Variants in RANBP2 observed in about 807,000 individuals in gnomAD.
RANBP2 encodes the protein RAN binding protein 2.
A neutral mutation model predicts 303.6 loss-of-function variants in RANBP2; 57 were observed. That is an observed-to-expected ratio of 0.19 (90% CI 0.15 to 0.23). RANBP2 has a LOEUF of 0.23. RANBP2 is among the 10% of genes least tolerant of loss of function. RANBP2 has a pLI of 1.00. For synonymous variants in RANBP2, 1,167 were observed against 1,301.5 expected, an observed-to-expected ratio of 0.90 and a Z score of 2.23; for missense variants, 3,138 against 3,780.8, an observed-to-expected ratio of 0.83 and a Z score of 4.46.
At chr2:109,232,425 C>G in the RANBP2 span, among the ~76,000 whole-genome samples, 4 of 152,194 alleles carry the variant, frequency 2.6e-5, no homozygotes, top group Non-Finnish European at 4.4e-5. Context: ...CTTAATTTCT[C>G]TGAGCCCTGG....
chr2:109,324,650 ATCCTTTCTCCTGGAAC>A, the RANBP2 span, among the ~76,000 whole-genome samples: 3 of 152,218 alleles, frequency 2.0e-5, no homozygotes, highest in Non-Finnish European at 4.4e-5. Flanking sequence ...GGCGAAGTTG[ATCCTTTCTCCTGGAAC>A]TCCTTTCTCC....
At chr2:109,371,698 C>G in the RANBP2 span, 1 of 1,609,434 alleles carries the variant, frequency 6.2e-7, no homozygotes, top group Non-Finnish European at 8.5e-7. Context: ...CCGTGCCGCC[C>G]TCCCACACTT....
At chr2:109,631,404 A>G in the RANBP2 span, among the ~76,000 whole-genome samples, 1 of 152,242 alleles carries the variant, frequency 6.6e-6, no homozygotes, top group South Asian at 2.1e-4. Flanking sequence ...TCTTTTTGGA[A>G]AGTGAGTTAA....
chr2:108,857,877 A>G, the RANBP2 span, among the ~76,000 whole-genome samples: 2 of 152,264 alleles, frequency 1.3e-5, no homozygotes, highest in African/African-American at 2.4e-5. Flanking sequence ...ATCTTTCTGA[A>G]TATGACAGAG....
chr2:109,110,684 A>T, the RANBP2 span, among the ~76,000 whole-genome samples: 1 of 152,164 alleles, frequency 6.6e-6, no homozygotes, highest in East Asian at 1.9e-4. Context: ...TCTGTCTGGG[A>T]CAGAGGCGGC....
chr2:109,716,844 C>T, the RANBP2 span, among the ~76,000 whole-genome samples: 1 of 152,232 alleles, frequency 6.6e-6, no homozygotes, highest in Non-Finnish European at 1.5e-5. Context: ...CCACCGCGCC[C>T]AGCCTAATCA....
chr2:109,168,443 T>C, the RANBP2 span, among the ~76,000 whole-genome samples: 1 of 152,168 alleles, frequency 6.6e-6, no homozygotes, highest in Non-Finnish European at 1.5e-5. Flanking sequence ...GCTTGCGAGA[T>C]GGGCTCTTGG....
chr2:109,410,644 T>TGGG, the RANBP2 span, among the ~76,000 whole-genome samples: 1 of 152,342 alleles, frequency 6.6e-6, no homozygotes, highest in South Asian at 2.1e-4. Context: ...CTCAGAGAAC[T>TGGG]GGGCCACTGC....
the RANBP2 span, among the ~76,000 whole-genome samples, chr2:109,354,343 T>C: frequency 6.6e-6 from 1 of 152,178 alleles, no homozygotes; most frequent in African/African-American, 2.4e-5. Flanking sequence ...TTCTCTGGGC[T>C]CCAGCTTGTT....
chr2:109,354,686 C>G, the RANBP2 span, among the ~76,000 whole-genome samples: 1 of 152,246 alleles, frequency 6.6e-6, no homozygotes, highest in Non-Finnish European at 1.5e-5. Context: ...CCGCCAGCCA[C>G]CTCCAGTGGC....
the RANBP2 span, among the ~76,000 whole-genome samples, chr2:109,283,799 GT>G: frequency 2.0e-5 from 3 of 152,208 alleles, no homozygotes; most frequent in African/African-American, 7.2e-5. Flanking sequence ...GGCTCCTTGT[GT>G]TTGTTCTCTC....
intron 1 of RANBP2, among the ~76,000 whole-genome samples, chr2:108,725,537 A>G (rs1053256593): frequency 6.6e-6 from 1 of 152,188 alleles, no homozygotes; most frequent in Non-Finnish European, 1.5e-5. Context: ...GGAGGAAGTC[A>G]GATCACAAGG....
the RANBP2 span, among the ~76,000 whole-genome samples, chr2:109,496,882 G>C: frequency 6.6e-6 from 1 of 152,178 alleles, no homozygotes; most frequent in African/African-American, 2.4e-5. Context: ...AATCACAAAG[G>C]GTCCTTATGA....
chr2:109,207,221 T>C, the RANBP2 span, among the ~76,000 whole-genome samples: 1 of 152,258 alleles, frequency 6.6e-6, no homozygotes, highest in Non-Finnish European at 1.5e-5. Context: ...TTTACAGCAG[T>C]TCATTTTTAT....
At chr2:108,940,660 A>G in the RANBP2 span, among the ~76,000 whole-genome samples, 2 of 152,240 alleles carry the variant, frequency 1.3e-5, no homozygotes, top group African/African-American at 4.8e-5. Context: ...ACAAAGAAGC[A>G]GCTTCTGAGC....
chr2:109,295,727 C>G, the RANBP2 span, among the ~76,000 whole-genome samples: 2 of 152,074 alleles, frequency 1.3e-5, no homozygotes, highest in Admixed American at 1.3e-4. Context: ...GGGAGGTTTA[C>G]CTGGGGAGGT....
the RANBP2 span, among the ~76,000 whole-genome samples, chr2:108,852,670 A>G: frequency 1.3e-5 from 2 of 152,202 alleles, no homozygotes; most frequent in African/African-American, 4.8e-5. Flanking sequence ...CAAATAACAC[A>G]TGTTCTCATT....
chr2:108,826,492 A>T, the RANBP2 span, among the ~76,000 whole-genome samples: 1 of 152,120 alleles, frequency 6.6e-6, no homozygotes, highest in Admixed American at 6.6e-5. Context: ...TTGTTTCAGC[A>T]TCATTAGTTG....
chr2:108,822,555 C>T, the RANBP2 span, among the ~76,000 whole-genome samples: 1 of 152,100 alleles, frequency 6.6e-6, no homozygotes, highest in African/African-American at 2.4e-5. Flanking sequence ...ACGTGTTTGG[C>T]CACAAAACAA....
Sources: gnomAD v4.1 joint callset for allele counts (sites outside exome capture counted in the v4.1 genomes callset) on GRCh38, gnomAD v4.1.1 for gene constraint, MANE v1.5 for transcripts, NCBI Gene and HGNC (gene_info 2026-07-23, HGNC 2026-07-21) for gene names.